Variants in TRHR observed in about 807,000 individuals in gnomAD.
The protein encoded by TRHR is thyrotropin-releasing hormone receptor.
In TRHR, 14 loss-of-function variants were observed where a neutral mutation model predicts 28.0. That is an observed-to-expected ratio of 0.50 (90% CI 0.33 to 0.78). The LOEUF (loss-of-function observed/expected upper bound fraction) is 0.78. Among genes scored for constraint, TRHR ranks in the 30% least tolerant of loss-of-function variants. TRHR has a pLI of 0.02. For missense variants in TRHR, 438 were observed against 469.5 expected (o/e 0.93, Z 0.62); for synonymous variants, 176 against 171.9 (o/e 1.02, Z -0.18).
chr8:109,112,604 A>G (rs1811851874), intron 2 of TRHR, among the ~76,000 whole-genome samples: 1 of 152,200 alleles, frequency 6.6e-6, no homozygotes, highest in Non-Finnish European at 1.5e-5. Flanking sequence ...TTCTGAATGT[A>G]GCACTCCTGT....
At chr8:109,114,406 C>T (rs1335062821) in intron 2 of TRHR, among the ~76,000 whole-genome samples, 3 of 152,086 alleles carry the variant, frequency 2.0e-5, no homozygotes, top group Admixed American at 6.6e-5. Context: ...ACAGAGCCAA[C>T]ATTTTCAGAA....
In TRHR at chr8:109,087,362, G is replaced by C. The variant is rs550680887; in HGVS notation, c.-88-63G>C. 2.8e-4 allele frequency: 238 copies of C among 838,588 alleles called. 1 individual carries two copies. Among genetic ancestry groups the C allele is most frequent in the Non-Finnish European group, 4.1e-4 (215 of 518,278 alleles). 51.9% of individuals were successfully genotyped at this position (838,588 alleles called of 1,614,324 possible). On this transcript the variant is annotated intron_variant, in intron 1 of 2. Coordinates refer to ENST00000518632, the MANE Select transcript of TRHR (RefSeq NM_003301.7). ...AAAGGAGTGGAAGTGACGGTTATTT[G>C]TGATTGGGACTTGATCAGAAATTGT... is the stretch of plus-strand genomic sequence containing the variant.
Position 109,121,139 on chromosome 8 carries a change from A to G in TRHR, c.*1684A>G, listed in dbSNP as rs1812002232. On this transcript the variant is annotated 3_prime_UTR_variant, in exon 3 of 3. Coordinates refer to ENST00000518632, the MANE Select transcript of TRHR (RefSeq NM_003301.7). ...TCCAGCAAGACATTTTTATCCTGTTACTATAACAGTAAATGAATGCAAGCA... is the reference window on the plus strand; with the variant it reads ...TCCAGCAAGACATTTTTATCCTGTTGCTATAACAGTAAATGAATGCAAGCA... Among the ~76,000 whole-genome samples the G allele has an allele frequency of 2.0e-5, 3 of 148,598 alleles. No individual in the cohort carries two copies. Among genetic ancestry groups the G allele is most frequent in the African/African-American group, 7.5e-5 (3 of 39,994 alleles).
intron 2 of TRHR, among the ~76,000 whole-genome samples, chr8:109,101,939 A>C (rs930117423): frequency 6.6e-6 from 1 of 152,166 alleles, no homozygotes; most frequent in African/African-American, 2.4e-5. Context: ...CAGCGAAGGA[A>C]TATTCAGAGA....
intron 2 of TRHR, among the ~76,000 whole-genome samples, chr8:109,105,452 G>A (rs1020342193): frequency 1.3e-5 from 2 of 152,094 alleles, no homozygotes; most frequent in African/African-American, 4.8e-5. Flanking sequence ...TTGAATACTT[G>A]CACATCTCTG....
chr8:109,095,004 G>GT (rs79904190), intron 2 of TRHR, among the ~76,000 whole-genome samples: 256 of 144,000 alleles, frequency 1.8e-3, no homozygotes, highest in Admixed American at 1.6e-3. Flanking sequence ...TCTCCTTTAG[G>GT]TTTTTTTTTT....
At chr8:109,111,879 T>G (rs1811840041) in intron 2 of TRHR, among the ~76,000 whole-genome samples, 1 of 152,216 alleles carries the variant, frequency 6.6e-6, no homozygotes, top group South Asian at 2.1e-4. Flanking sequence ...AAATTAAAGT[T>G]ATCTGCTTAT....
In TRHR at chr8:109,112,718, T is replaced by C. The variant is rs80193521; in HGVS notation, c.790-6330T>C. On this transcript the variant is annotated intron_variant, in intron 2 of 2. Coordinates refer to ENST00000518632, the MANE Select transcript of TRHR (RefSeq NM_003301.7). ...CAATATTTACAGTGATTAAAATTCT[T>C]CAACTCACTATTTATGTTGATTTTG... is the stretch of plus-strand genomic sequence containing the variant. Among the ~76,000 whole-genome samples the C allele has an allele frequency of 5.2e-4, 79 of 152,314 alleles. No individual in the cohort carries two copies. The East Asian group carries it at 9.7e-3, about 19-fold the overall frequency.
At chr8:109,100,589 A>G (rs928013648) in intron 2 of TRHR, among the ~76,000 whole-genome samples, 2 of 152,214 alleles carry the variant, frequency 1.3e-5, no homozygotes, top group Non-Finnish European at 2.9e-5. Flanking sequence ...AAAACATACT[A>G]AATGTCAGGG....
chr8:109,097,841 G>T (rs1811617349), intron 2 of TRHR, among the ~76,000 whole-genome samples: 1 of 152,134 alleles, frequency 6.6e-6, no homozygotes, highest in Non-Finnish European at 1.5e-5. Flanking sequence ...TTCACCCTTG[G>T]AGTTTCCATT....
At chr8:109,093,944 T>C (rs1202144611) in intron 2 of TRHR, among the ~76,000 whole-genome samples, 1 of 151,736 alleles carries the variant, frequency 6.6e-6, no homozygotes, top group Non-Finnish European at 1.5e-5. Flanking sequence ...TTTTGAAGAA[T>C]TCATGAGAGG....
At chr8:109,118,909 C>T in intron 2 of TRHR, 139 bp from the exon 3 acceptor site, 1 of 1,060,058 alleles carries the variant, frequency 9.4e-7, no homozygotes. Flanking sequence ...CCTGGGATCA[C>T]CTCCCCAATA....
chr8:109,097,993 C>T (rs1413696192), intron 2 of TRHR, among the ~76,000 whole-genome samples: 1 of 152,160 alleles, frequency 6.6e-6, no homozygotes, highest in East Asian at 1.9e-4. Flanking sequence ...TGAAATTCCT[C>T]CCACATCCAG....
intron 2 of TRHR, among the ~76,000 whole-genome samples, chr8:109,095,983 C>T (rs1811584562): frequency 6.6e-6 from 1 of 152,136 alleles, no homozygotes; most frequent in African/African-American, 2.4e-5. Flanking sequence ...CTCTCTGGCT[C>T]CCATGGCACT....
chr8:109,088,485 T>C (rs1811476145), intron 2 of TRHR, among the ~76,000 whole-genome samples, 184 bp downstream of exon 2: 2 of 109,658 alleles, frequency 1.8e-5, no homozygotes, highest in African/African-American at 5.4e-5. Flanking sequence ...GATCTAAAAA[T>C]AGATAGGGAA....
At chr8:109,098,183 G>A (rs1005332582) in intron 2 of TRHR, among the ~76,000 whole-genome samples, 35 of 151,524 alleles carry the variant, frequency 2.3e-4, no homozygotes, top group Admixed American at 2.1e-3. Context: ...AGGTTGGGGT[G>A]CAGTGGCTTG....
intron 2 of TRHR, among the ~76,000 whole-genome samples, chr8:109,094,661 T>C (rs981805330): frequency 6.6e-6 from 1 of 151,944 alleles, no homozygotes; most frequent in African/African-American, 2.4e-5. Flanking sequence ...GTGTTTTGTG[T>C]GCTTTTAGAT....
At chr8:109,108,018 C>T (rs1811776027) in intron 2 of TRHR, among the ~76,000 whole-genome samples, 1 of 152,150 alleles carries the variant, frequency 6.6e-6, no homozygotes, top group Admixed American at 6.5e-5. Flanking sequence ...TATCCCTTGG[C>T]TGACTCTGTG....
chr8:109,087,394 G>A (rs1046038957), intron 1 of TRHR, 31 bp from the exon 2 acceptor site: 1 of 1,079,354 alleles, frequency 9.3e-7, no homozygotes, highest in Non-Finnish European at 1.4e-6. Context: ...TTGTAACACT[G>A]TTAATGAATA....
Sources: allele counts gnomAD v4.1 joint callset (sites outside exome capture counted in the v4.1 genomes callset), GRCh38; gene constraint gnomAD v4.1.1; transcripts MANE v1.5; gene names NCBI Gene and HGNC (gene_info 2026-07-23, HGNC 2026-07-21).